VBP1: variants seen among roughly 807,000 people sequenced by gnomAD.
The protein encoded by VBP1 is prefoldin subunit 3.
Under a neutral mutation model 15.5 loss-of-function variants are expected in VBP1, and 4 were observed. That is an observed-to-expected ratio of 0.26 (90% CI 0.13 to 0.59). The LOEUF is 0.59. Ranked by LOEUF, VBP1 falls within the 20% of genes least tolerant of loss-of-function variation. The pLI is 0.90. For synonymous variants in VBP1, 61 were observed against 52.1 expected (o/e 1.17, Z -0.74); for missense variants, 108 against 139.6 (o/e 0.77, Z 1.14).
chrX:155,228,161 T>C (rs782083255), intron 3 of VBP1, among the ~76,000 whole-genome samples: 2 of 111,686 alleles, frequency 1.8e-5, no homozygotes, highest in South Asian at 7.5e-4. Flanking sequence ...ACCTGAGATA[T>C]AGAAGTTAAG....
At chrX:155,201,290 G>T (rs1281669474) in intron 1 of VBP1, among the ~76,000 whole-genome samples, 16 of 108,460 alleles carry the variant, frequency 1.5e-4, no homozygotes, top group South Asian at 1.2e-3. Flanking sequence ...TACCAAAGCC[G>T]GGCAGAGACA....
intron 1 of VBP1, among the ~76,000 whole-genome samples, chrX:155,204,546 C>T (rs1177738013): frequency 8.9e-6 from 1 of 111,837 alleles, no homozygotes; most frequent in Non-Finnish European, 1.9e-5. Context: ...GGAAGGTAAT[C>T]CATCCACATT....
At chrX:155,236,165 C>A in intron 4 of VBP1, 64 bp from the exon 5 acceptor site, 1 of 1,128,168 alleles carries the variant, frequency 8.9e-7, no homozygotes, top group Non-Finnish European at 1.2e-6. Context: ...TTTGCCCACA[C>A]TTTACTCTAA....
At chrX:155,221,254 C>T (rs1362342049) in intron 2 of VBP1, among the ~76,000 whole-genome samples, 2 of 111,207 alleles carry the variant, frequency 1.8e-5, no homozygotes, top group Non-Finnish European at 3.8e-5. Context: ...ATTGCTTGAG[C>T]CCGGGAGGCG....
chrX:155,208,910 C>T, exon 2 of VBP1: 1 of 1,154,603 alleles, frequency 8.7e-7, no homozygotes, highest in East Asian at 3.3e-5. Flanking sequence ...TCTAATGGCA[C>T]CTCAACCCAT....
chrX:155,212,798 T>C (rs1277277129), upstream of VBP1: 1 of 110,595 alleles, frequency 9.0e-6, no homozygotes, highest in East Asian at 2.8e-4. Flanking sequence ...GGGGTGGGGG[T>C]TGCAGAAGGG....
chrX:155,217,519 T>A (rs1177604841), intron 1 of VBP1, among the ~76,000 whole-genome samples: 1 of 112,342 alleles, frequency 8.9e-6, no homozygotes, highest in Non-Finnish European at 1.9e-5. Flanking sequence ...CCTCTGCCTT[T>A]TTTTTACTAA....
At chrX:155,207,172 T>G (rs1381342900) in intron 1 of VBP1, among the ~76,000 whole-genome samples, 3 of 111,532 alleles carry the variant, frequency 2.7e-5, no homozygotes, top group Non-Finnish European at 5.6e-5. Flanking sequence ...AAAGCCAGGC[T>G]ATTTCAGATT....
chrX:155,203,839 C>T (rs1405007556), intron 1 of VBP1, among the ~76,000 whole-genome samples: 1 of 111,843 alleles, frequency 8.9e-6, no homozygotes, highest in Non-Finnish European at 1.9e-5. Context: ...TCATGCTATA[C>T]CTTGCATGAG....
upstream of VBP1, among the ~76,000 whole-genome samples, chrX:155,212,070 A>G (rs1051992705): frequency 2.7e-5 from 3 of 112,230 alleles, no homozygotes; most frequent in Non-Finnish European, 5.6e-5. Flanking sequence ...GAGAAAACTG[A>G]GACAGTGTTA....
intron 1 of VBP1, among the ~76,000 whole-genome samples, chrX:155,202,801 T>C (rs1473369097): frequency 9.2e-6 from 1 of 109,097 alleles, no homozygotes; most frequent in African/African-American, 3.4e-5. Flanking sequence ...CAAAAGAAAC[T>C]ACCATCAGAG....
At chrX:155,214,768 C>CTTTTTTTTTTTT (rs782556765), upstream of VBP1, among the ~76,000 whole-genome samples, 4 of 83,073 alleles carry the variant, frequency 4.8e-5, no homozygotes, top group African/African-American at 1.5e-4. Flanking sequence ...TTTTCTTTTC[C>CTTTTTTTTTTTT]TTTTTTTTTT....
At chrX:155,234,412 G>A (rs895463662) in intron 4 of VBP1, among the ~76,000 whole-genome samples, 1 of 110,702 alleles carries the variant, frequency 9.0e-6, no homozygotes, top group East Asian at 2.8e-4. Flanking sequence ...GAGCCACCGC[G>A]CCTGGCCCCC....
rs1422195796 is a variant in VBP1, at chrX:155,228,521, AC to A, written c.384+41del. On this transcript the variant is annotated intron_variant, in intron 4 of 5. Transcript: ENST00000286428. ...ATAGCCACAGCTGATATATTTGTAAACCAGTGTGTTTTCTGTAGCAAACACA... is the reference window on the plus strand; with the variant it reads ...ATAGCCACAGCTGATATATTTGTAAACAGTGTGTTTTCTGTAGCAAACACA... 7 of 1,095,400 alleles carry A rather than the reference AC, an allele frequency of 6.4e-6. No individual in the cohort carries two copies. In the African/African-American group the frequency reaches 1.3e-4, roughly 20 times the overall value. 90.3% of individuals were successfully genotyped at this position (1,095,400 alleles called of 1,213,427 possible).
Position 155,223,970 on chromosome X carries a change from C to T in VBP1, c.219-3265C>T, listed in dbSNP as rs781803161. Among the ~76,000 whole-genome samples, 752 of 109,103 alleles carry T rather than the reference C, an allele frequency of 6.9e-3. 10 individuals carry two copies. Among genetic ancestry groups the T allele is most frequent in the African/African-American group, 0.024 (702 of 29,665 alleles). 94.7% of individuals were successfully genotyped at this position (109,103 alleles called of 115,157 possible). On this transcript the variant is annotated intron_variant, in intron 2 of 5. Transcript: ENST00000286428. ...GCTCCTCACCTCCCAGACGGGGTGG[C>T]GGCGGGGCAGAGGTGCTCTTCACAT...
chrX:155,228,840 T>C (rs1171114684), intron 4 of VBP1, among the ~76,000 whole-genome samples: 2 of 112,344 alleles, frequency 1.8e-5, no homozygotes, highest in African/African-American at 6.5e-5. Flanking sequence ...TGCTGAACTT[T>C]AGATAAACGC....
chrX:155,237,232 C>T (rs1413891312), intron 5 of VBP1, among the ~76,000 whole-genome samples: 1 of 111,275 alleles, frequency 9.0e-6, no homozygotes, highest in Admixed American at 9.5e-5. Flanking sequence ...CTTCCTGTCA[C>T]AGTCACTCAA....
chrX:155,216,639 C>T, intron 1 of VBP1, 64 bp downstream of exon 1: 2 of 1,155,487 alleles, frequency 1.7e-6, no homozygotes, highest in Non-Finnish European at 2.3e-6. Context: ...TTCTTCCCGG[C>T]TCCCACCCAG....
chrX:155,235,524 A>G (rs1450804032), intron 4 of VBP1, among the ~76,000 whole-genome samples: 1 of 111,255 alleles, frequency 9.0e-6, no homozygotes, highest in Non-Finnish European at 1.9e-5. Context: ...GTGGCTTCCC[A>G]ATTCCAGGGT....
Sources: gnomAD v4.1 joint callset for allele counts (sites outside exome capture counted in the v4.1 genomes callset) on GRCh38, gnomAD v4.1.1 for gene constraint, MANE v1.5 for transcripts, NCBI Gene and HGNC (gene_info 2026-07-23, HGNC 2026-07-21) for gene names.